The following VPS41 variants were observed in gnomAD, a reference collection of about 807,000 sequenced individuals.
VPS41 encodes the protein vacuolar protein sorting-associated protein 41 homolog.
Under a neutral mutation model 130.9 loss-of-function variants are expected in VPS41, and 85 were observed. The ratio of observed to expected loss-of-function variants is 0.65; its 90% CI spans 0.55 to 0.78. The LOEUF (loss-of-function observed/expected upper bound fraction) is 0.78, where lower values mean the gene tolerates loss of function less well. Among genes scored for constraint, VPS41 ranks in the 30% least tolerant of loss-of-function variants. The pLI is 0.00. For missense variants in VPS41, 874 were observed against 1,018.7 expected (o/e 0.86, Z 1.93); for synonymous variants, 335 against 332.9 (o/e 1.01, Z -0.07).
At chr7:38,850,002 C>T (rs1281231946) in intron 4 of VPS41, among the ~76,000 whole-genome samples, 1 of 152,148 alleles carries the variant, frequency 6.6e-6, no homozygotes, top group Non-Finnish European at 1.5e-5. Flanking sequence ...AATGAGAAGA[C>T]TGATACATAT....
At chr7:38,841,261 A>T (rs1386637423) in intron 4 of VPS41, among the ~76,000 whole-genome samples, 1 of 152,222 alleles carries the variant, frequency 6.6e-6, no homozygotes. Flanking sequence ...ACGAGTGTGG[A>T]TGTGGAAAAT....
chr7:38,792,497 T>G (rs2115962089), intron 9 of VPS41, among the ~76,000 whole-genome samples: 1 of 152,306 alleles, frequency 6.6e-6, no homozygotes, highest in Non-Finnish European at 1.5e-5. Flanking sequence ...CACATCCAAC[T>G]GTCAACAAAT....
intron 2 of VPS41, among the ~76,000 whole-genome samples, chr7:38,890,251 G>C (rs983755012): frequency 3.3e-5 from 5 of 152,130 alleles, no homozygotes; most frequent in African/African-American, 1.2e-4. Context: ...CTAGTTAAAA[G>C]ACTGGCAGAG....
chr7:38,903,671 T>C (rs111947407), intron 1 of VPS41, among the ~76,000 whole-genome samples: 7 of 152,304 alleles, frequency 4.6e-5, no homozygotes, highest in Middle Eastern at 3.4e-3. Context: ...AGTTCTGATA[T>C]AGGCACTGTC....
chr7:38,861,219 A>G (rs754637020), intron 4 of VPS41, among the ~76,000 whole-genome samples: 10 of 152,206 alleles, frequency 6.6e-5, no homozygotes, highest in Non-Finnish European at 1.5e-4. Context: ...CAAACACTGC[A>G]ATTTCTATTC....
chr7:38,832,006 ACT>A (rs1491135698), intron 4 of VPS41, among the ~76,000 whole-genome samples: 1 of 151,896 alleles, frequency 6.6e-6, no homozygotes, highest in Non-Finnish European at 1.5e-5. Flanking sequence ...GTTTTTTTTC[ACT>A]TTTTTTTCTG....
At chr7:38,794,547 T>G (rs1207923576) in intron 9 of VPS41, among the ~76,000 whole-genome samples, 1 of 152,248 alleles carries the variant, frequency 6.6e-6, no homozygotes. Flanking sequence ...TCAGATTCTA[T>G]GCAAAACTCT....
At chr7:38,757,281 A>T (rs562119622) in intron 18 of VPS41, among the ~76,000 whole-genome samples, 4 of 152,196 alleles carry the variant, frequency 2.6e-5, no homozygotes, top group Non-Finnish European at 5.9e-5. Context: ...ACATCCATAC[A>T]GCAAAGAAAC....
chr7:38,753,044 T>G (rs1783712971), intron 21 of VPS41, among the ~76,000 whole-genome samples: 1 of 152,184 alleles, frequency 6.6e-6, no homozygotes, highest in South Asian at 2.1e-4. Flanking sequence ...GTAATTCACT[T>G]TCTCCTCACA....
chr7:38,786,900 C>T (rs1784448091), intron 10 of VPS41, among the ~76,000 whole-genome samples: 1 of 152,096 alleles, frequency 6.6e-6, no homozygotes, highest in African/African-American at 2.4e-5. Context: ...AAGAGAGATA[C>T]TTAGATCTAG....
intron 2 of VPS41, among the ~76,000 whole-genome samples, chr7:38,888,077 G>A (rs1275277211): frequency 6.6e-6 from 1 of 152,126 alleles, no homozygotes; most frequent in Non-Finnish European, 1.5e-5. Context: ...GCAAAAACAT[G>A]CCAAATTGTA....
intron 4 of VPS41, among the ~76,000 whole-genome samples, chr7:38,857,460 A>C (rs1049713903): frequency 1.3e-5 from 2 of 152,226 alleles, no homozygotes; most frequent in Non-Finnish European, 2.9e-5. Context: ...AGCACACTTA[A>C]AGGAATAAAT....
chr7:38,890,246 TA>T (rs1421954386), intron 2 of VPS41, among the ~76,000 whole-genome samples: 4 of 152,160 alleles, frequency 2.6e-5, no homozygotes, highest in Non-Finnish European at 5.9e-5. Flanking sequence ...TACAACTAGT[TA>T]AAAGACTGGC....
intron 5 of VPS41, among the ~76,000 whole-genome samples, chr7:38,825,089 G>A (rs182256405): frequency 2.7e-4 from 41 of 152,264 alleles, no homozygotes; most frequent in African/African-American, 8.7e-4. Flanking sequence ...AACAGGCACC[G>A]ATACACATCA....
At chr7:38,785,426 C>A (rs1291278357) in intron 10 of VPS41, among the ~76,000 whole-genome samples, 1 of 152,188 alleles carries the variant, frequency 6.6e-6, no homozygotes, top group African/African-American at 2.4e-5. Flanking sequence ...AGATAAAAAA[C>A]TGCTGAAAAC....
At chr7:38,726,350 A>G (rs779065868) in intron 28 of VPS41, 24 bp from the exon 29 acceptor site, 8 of 1,568,490 alleles carry the variant, frequency 5.1e-6, no homozygotes, top group South Asian at 1.1e-5. Context: ...TTAAAAACAC[A>G]TATTTAAAAA....
chr7:38,810,018 G>C (rs935489934), intron 7 of VPS41, among the ~76,000 whole-genome samples: 2 of 151,466 alleles, frequency 1.3e-5, no homozygotes, highest in African/African-American at 4.8e-5. Context: ...TGCTACAAAA[G>C]AAGGTTACAC....
At chr7:38,889,784 A>G (rs1786821594) in intron 2 of VPS41, among the ~76,000 whole-genome samples, 1 of 152,178 alleles carries the variant, frequency 6.6e-6, no homozygotes, top group Non-Finnish European at 1.5e-5. Context: ...GAGTGAAAAC[A>G]GGGGTAAATA....
chr7:38,765,125 C>T (rs10239804), intron 16 of VPS41, among the ~76,000 whole-genome samples: 3 of 152,034 alleles, frequency 2.0e-5, no homozygotes, highest in African/African-American at 7.2e-5. Flanking sequence ...ATGTTGTGCA[C>T]TAAGTTGAAA....
Sources: gnomAD v4.1 joint callset for allele counts (sites outside exome capture counted in the v4.1 genomes callset) on GRCh38, gnomAD v4.1.1 for gene constraint, MANE v1.5 for transcripts, NCBI Gene and HGNC (gene_info 2026-07-23, HGNC 2026-07-21) for gene names.